Variants in XYLT1 observed in about 807,000 individuals in gnomAD.
XYLT1 encodes the protein beta-D-xylosyltransferase 1.
In XYLT1, 36 loss-of-function variants were observed where a neutral mutation model predicts 91.3. The ratio of observed to expected loss-of-function variants is 0.39; its 90% CI spans 0.30 to 0.52. XYLT1 has a LOEUF of 0.52. Among genes scored for constraint, XYLT1 ranks in the 20% least tolerant of loss-of-function variants. XYLT1 has a pLI of 0.68. For missense variants in XYLT1, 1,242 were observed against 1,284.5 expected, an observed-to-expected ratio of 0.97 and a Z score of 0.51; for synonymous variants, 588 against 532.0, an observed-to-expected ratio of 1.11 and a Z score of -1.45.
At chr16:17,360,861 C>A (rs1218478586) in intron 1 of XYLT1, among the ~76,000 whole-genome samples, 1 of 152,174 alleles carries the variant, frequency 6.6e-6, no homozygotes, top group African/African-American at 2.4e-5. Context: ...GGGGAATTTG[C>A]AATGTGCGTG....
At chr16:17,134,152 C>G (rs1015176156) in intron 9 of XYLT1, among the ~76,000 whole-genome samples, 3 of 152,250 alleles carry the variant, frequency 2.0e-5, no homozygotes, top group South Asian at 2.1e-4. Flanking sequence ...AAGTTTTGTA[C>G]CTTCCACTTA....
At chr16:17,314,381 G>A (rs1027780075) in intron 2 of XYLT1, among the ~76,000 whole-genome samples, 8 of 152,120 alleles carry the variant, frequency 5.3e-5, no homozygotes, top group Non-Finnish European at 7.4e-5. Flanking sequence ...CCCGCTGCAC[G>A]TTGCCGAGTC....
At chr16:17,385,269 TACACACACAC>T (rs566134163) in intron 1 of XYLT1, among the ~76,000 whole-genome samples, 1,830 of 119,992 alleles carry the variant, frequency 0.015, 37 homozygotes, top group African/African-American at 0.048. Context: ...TAAACACACA[TACACACACAC>T]ACACACACAC....
At chr16:17,450,749 C>T (rs951508365) in intron 1 of XYLT1, among the ~76,000 whole-genome samples, 3 of 152,170 alleles carry the variant, frequency 2.0e-5, no homozygotes, top group Non-Finnish European at 4.4e-5. Context: ...CTAAGACATT[C>T]CAGCACAGCA....
At position 17,176,596 on chromosome 16, in the gene XYLT1, G is replaced by C. The variant is rs553986160; in HGVS notation, c.1290-17687C>G. Among the ~76,000 whole-genome samples the C allele has an allele frequency of 4.5e-4, 68 of 152,352 alleles. 1 individual carries two copies. The highest frequency in any genetic ancestry group is 1.5e-3 in the African/African-American group (63 of 41,576). On this transcript the variant is annotated intron_variant, in intron 5 of 11. Coordinates refer to ENST00000261381, the MANE Select transcript of XYLT1 (RefSeq NM_022166.4). ...CCTGCCGACTAGCAGAAGGAGGTTTGTAGGTCCAGTTCCAGATCCAGCTTA... is the reference window on the plus strand; with the variant it reads ...CCTGCCGACTAGCAGAAGGAGGTTTCTAGGTCCAGTTCCAGATCCAGCTTA...
At chr16:17,239,504 TCATCCATCCATCCATC>T (rs147770428) in intron 3 of XYLT1, among the ~76,000 whole-genome samples, 4 of 128,218 alleles carry the variant, frequency 3.1e-5, no homozygotes, top group South Asian at 2.8e-4. Context: ...GTCCATCTAT[TCATCCATCCATCCATC>T]CATCCATCCA....
intron 1 of XYLT1, among the ~76,000 whole-genome samples, chr16:17,404,172 C>T (rs2036001774): frequency 6.6e-6 from 1 of 152,058 alleles, no homozygotes; most frequent in Non-Finnish European, 1.5e-5. Flanking sequence ...CAGGAAGGGT[C>T]GGATACTCCT....
chr16:17,128,212 T>A (rs1305164435), intron 9 of XYLT1, among the ~76,000 whole-genome samples: 3 of 152,250 alleles, frequency 2.0e-5, no homozygotes, highest in African/African-American at 4.8e-5. Flanking sequence ...GGATTTCCCT[T>A]CGGCCTTATT....
rs573446191 is a variant in XYLT1 at position 17,151,029 on chromosome 16, T to C, written c.1370+7800A>G. On this transcript the variant is annotated intron_variant, in intron 6 of 11. Transcript: ENST00000261381. ...CTTCATAGGGGCCGACTTGATCTGA[T>C]TGGTGGAAGGGACATACCACCCACA... Among the ~76,000 whole-genome samples, 2 of 152,258 alleles carry C rather than the reference T, an allele frequency of 1.3e-5. 1 individual carries two copies. The highest frequency in any genetic ancestry group is 3.9e-4 in the East Asian group (2 of 5,158).
chr16:17,457,545 A>T (rs974663572), intron 1 of XYLT1, among the ~76,000 whole-genome samples: 1 of 152,228 alleles, frequency 6.6e-6, no homozygotes, highest in African/African-American at 2.4e-5. Context: ...CGTTTAGCTT[A>T]ACATCTCTCC....
At chr16:17,173,260 G>A (rs575694246) in intron 5 of XYLT1, among the ~76,000 whole-genome samples, 106 of 152,152 alleles carry the variant, frequency 7.0e-4, no homozygotes, top group Non-Finnish European at 1.3e-3. Context: ...ATTTGTGCAC[G>A]CCACACTACC....
chr16:17,121,424 C>G (rs2030051047), intron 10 of XYLT1, among the ~76,000 whole-genome samples: 3 of 152,306 alleles, frequency 2.0e-5, no homozygotes, highest in South Asian at 2.1e-4. Context: ...CTCAAGGGGC[C>G]TCATTGTGGA....
chr16:17,400,004 G>A (rs999040792), intron 1 of XYLT1, among the ~76,000 whole-genome samples: 8 of 152,240 alleles, frequency 5.3e-5, no homozygotes, highest in Middle Eastern at 3.2e-3. Flanking sequence ...TCCAGCCAGC[G>A]GACTTCTTCT....
At chr16:17,391,355 C>T (rs1428646618) in intron 1 of XYLT1, among the ~76,000 whole-genome samples, 1 of 152,164 alleles carries the variant, frequency 6.6e-6, no homozygotes, top group East Asian at 1.9e-4. Flanking sequence ...GATTGCATCC[C>T]CAACCAACCA....
At chr16:17,221,093 C>T (rs1424919843) in intron 3 of XYLT1, among the ~76,000 whole-genome samples, 2 of 152,138 alleles carry the variant, frequency 1.3e-5, no homozygotes, top group African/African-American at 4.8e-5. Flanking sequence ...ATTTCCTTGC[C>T]TCTTGTTAAT....
At chr16:17,239,788 C>T (rs1051776996) in intron 3 of XYLT1, among the ~76,000 whole-genome samples, 5 of 152,110 alleles carry the variant, frequency 3.3e-5, no homozygotes, top group African/African-American at 4.8e-5. Context: ...ACCACCCACT[C>T]GCTCAGCCAG....
At chr16:17,414,635 G>A (rs1435733911) in intron 1 of XYLT1, among the ~76,000 whole-genome samples, 2 of 152,180 alleles carry the variant, frequency 1.3e-5, no homozygotes, top group African/African-American at 4.8e-5. Flanking sequence ...CACATAATGA[G>A]AAATGAGCAA....
chr16:17,323,028 C>T (rs1396131699), intron 2 of XYLT1, among the ~76,000 whole-genome samples: 1 of 152,242 alleles, frequency 6.6e-6, no homozygotes, highest in Admixed American at 6.5e-5. Context: ...AGGGACAGGG[C>T]CATCTGGCAG....
intron 5 of XYLT1, among the ~76,000 whole-genome samples, chr16:17,191,501 C>G (rs1235260109): frequency 1.3e-5 from 2 of 152,350 alleles, no homozygotes; most frequent in East Asian, 3.9e-4. Flanking sequence ...TCTAAACTTA[C>G]TTACCAAGTA....
Sources: gnomAD v4.1 joint callset for allele counts (sites outside exome capture counted in the v4.1 genomes callset) on GRCh38, gnomAD v4.1.1 for gene constraint, MANE v1.5 for transcripts, NCBI Gene and HGNC (gene_info 2026-07-23, HGNC 2026-07-21) for gene names.